Variants in MINDY3 observed in about 807,000 individuals in gnomAD.
MINDY3 encodes MINDY lysine 48 deubiquitinase 3.
MINDY3 carries 38 observed loss-of-function variants against 69.2 expected under a neutral mutation model. The observed-to-expected ratio is 0.55, with a 90% CI of 0.42 to 0.72. The LOEUF (loss-of-function observed/expected upper bound fraction) is 0.72. Among genes scored for constraint, MINDY3 ranks in the 30% least tolerant of loss-of-function variants. MINDY3 has a pLI of 0.00. For synonymous variants in MINDY3, 192 were observed against 180.1 expected, an observed-to-expected ratio of 1.07 and a Z score of -0.53; for missense variants, 522 against 519.0, an observed-to-expected ratio of 1.01 and a Z score of -0.06.
Position 15,778,790 on chromosome 10 carries a change from A to T in MINDY3, c.*202T>A. The T allele has an allele frequency of 2.3e-6, 1 of 438,086 alleles. No homozygotes were observed. Among genetic ancestry groups the T allele is most frequent in the Non-Finnish European group, 4.0e-6 (1 of 252,882 alleles). The allele number at this position is 438,086 out of a possible 1,614,324, so 27.1% of individuals were successfully genotyped here. Reference sequence around the variant, plus strand: ...TAATTTTGCTAGTAAATTTCACACGAAGGGGTAAAATAGGATAATCTTTAA... The same window carrying T: ...TAATTTTGCTAGTAAATTTCACACGTAGGGGTAAAATAGGATAATCTTTAA... On this transcript the variant is annotated 3_prime_UTR_variant, in exon 15 of 15. Coordinates refer to ENST00000277632, the MANE Select transcript of MINDY3 (RefSeq NM_024948.4).
At chr10:15,788,494 TTA>T (rs1420971586) in intron 12 of MINDY3, among the ~76,000 whole-genome samples, 1 of 152,028 alleles carries the variant, frequency 6.6e-6, no homozygotes, top group African/African-American at 2.4e-5. Context: ...AACTCTTTCA[TTA>T]TGTTTGATAA....
At chr10:15,841,640 GA>G (rs111629424) in intron 3 of MINDY3, 41 bp from the exon 4 acceptor site, 22,665 of 1,047,590 alleles carry the variant, frequency 0.022, no homozygotes, top group South Asian at 0.032. Flanking sequence ...GTTTCCTCTG[GA>G]AAAAAAAAAA....
intron 2 of MINDY3, among the ~76,000 whole-genome samples, chr10:15,846,661 T>C (rs1226222271): frequency 1.3e-5 from 2 of 152,174 alleles, no homozygotes; most frequent in East Asian, 1.9e-4. Flanking sequence ...AGTATTATTA[T>C]GCTCTATATA....
At chr10:15,816,981 C>A in intron 9 of MINDY3, 66 bp from the exon 10 acceptor site, 1 of 1,166,584 alleles carries the variant, frequency 8.6e-7, no homozygotes, top group Admixed American at 1.8e-5. Flanking sequence ...TCTTATTTGC[C>A]CATAAATATC....
rs1215975235 is a variant in MINDY3 at position 15,829,611 on chromosome 10, C to T, written c.730+4019G>A. Among the ~76,000 whole-genome samples, 5 of 152,182 alleles carry T rather than the reference C, an allele frequency of 3.3e-5. No individual in the cohort carries two copies. The East Asian group carries it at 9.7e-4, about 29-fold the overall frequency. On this transcript the variant is annotated intron_variant, in intron 8 of 14. Coordinates refer to ENST00000277632, the MANE Select transcript of MINDY3 (RefSeq NM_024948.4). Reference sequence around the variant, plus strand: ...AGTTGGCAAGCATTAGCAAGAGAGTCATTGAAGGCACTGAGCAGAGAAATA... The same window carrying T: ...AGTTGGCAAGCATTAGCAAGAGAGTTATTGAAGGCACTGAGCAGAGAAATA...
At chr10:15,802,093 A>G (rs1346344736) in intron 10 of MINDY3, among the ~76,000 whole-genome samples, 1 of 151,776 alleles carries the variant, frequency 6.6e-6, no homozygotes, top group African/African-American at 2.4e-5. Flanking sequence ...GTGTTAATCT[A>G]CTGTTGGTTA....
In MINDY3 at chr10:15,778,910, A is replaced by G. The variant is rs1836298870; in HGVS notation, c.*82T>C. The G allele has an allele frequency of 8.2e-7, 1 of 1,213,194 alleles. No individual in the cohort carries two copies. The highest frequency in any genetic ancestry group is 1.2e-6 in the Non-Finnish European group (1 of 855,984). 75.2% of individuals were successfully genotyped at this position (1,213,194 alleles called of 1,614,324 possible). On this transcript the variant is annotated 3_prime_UTR_variant, in exon 15 of 15. Coordinates refer to ENST00000277632, the MANE Select transcript of MINDY3 (RefSeq NM_024948.4). ...CAGTTAATCAGTGATACCAGTGTTTAGCTTAATCCAGCCAATTGCCAGTCT... is the reference window on the plus strand; with the variant it reads ...CAGTTAATCAGTGATACCAGTGTTTGGCTTAATCCAGCCAATTGCCAGTCT...
In MINDY3 at chr10:15,834,603, A is replaced by G; in HGVS notation, c.590T>C (p.Ile197Thr). The G allele has an allele frequency of 6.2e-7, 1 of 1,608,474 alleles. No homozygotes were observed. The highest frequency in any genetic ancestry group is 8.5e-7 in the Non-Finnish European group (1 of 1,175,706). The change falls in exon 7 of 15, where the codon ATA becomes ACA. Residue 197 changes from isoleucine to threonine, a missense_variant. Ile to Thr is a moderately conservative substitution (Grantham distance 89). Transcript: ENST00000277632. ...ACTTGCATCTTCAATTTCGTTTTTTATGTTTTCAATGCCCTAAAGAAACAG... is the reference window on the plus strand; with the variant it reads ...ACTTGCATCTTCAATTTCGTTTTTTGTGTTTTCAATGCCCTAAAGAAACAG... ...SVLLTKGIEN[I>T]KNEIEDASEP... is the part of the protein sequence containing the mutation.
chr10:15,790,859 G>A lies in MINDY3; in HGVS notation c.956-1540C>T, dbSNP rs117807714. On this transcript the variant is annotated intron_variant, in intron 11 of 14. Coordinates refer to ENST00000277632, the MANE Select transcript of MINDY3 (RefSeq NM_024948.4). Reference sequence around the variant, plus strand: ...GTGAGGGATGCTCAGTCTGTACACCGTTTTTCAGGAGCACTGACAGCATGT... The same window carrying A: ...GTGAGGGATGCTCAGTCTGTACACCATTTTTCAGGAGCACTGACAGCATGT... Among the ~76,000 whole-genome samples, 7 of 152,186 alleles carry A rather than the reference G, an allele frequency of 4.6e-5. No individual in the cohort carries two copies. The East Asian group carries it at 5.8e-4, about 13-fold the overall frequency.
At chr10:15,829,133 G>C (rs199613061) in intron 8 of MINDY3, among the ~76,000 whole-genome samples, 1 of 152,046 alleles carries the variant, frequency 6.6e-6, no homozygotes, top group Non-Finnish European at 1.5e-5. Context: ...GAATGAAGCC[G>C]ACTGAGGTAA....
chr10:15,795,829 G>A (rs1452885794), intron 11 of MINDY3, among the ~76,000 whole-genome samples: 1 of 151,930 alleles, frequency 6.6e-6, no homozygotes, highest in Non-Finnish European at 1.5e-5. Context: ...TGTTCAAAAG[G>A]TGGTATTTTT....
intron 4 of MINDY3, among the ~76,000 whole-genome samples, chr10:15,839,498 C>G (rs192599260): frequency 4.0e-4 from 60 of 151,712 alleles, no homozygotes; most frequent in African/African-American, 1.3e-3. Flanking sequence ...TAATCTTTTC[C>G]AAATTATACT....
chr10:15,836,977 A>G (rs562278501), intron 6 of MINDY3, among the ~76,000 whole-genome samples: 1 of 152,118 alleles, frequency 6.6e-6, no homozygotes, highest in South Asian at 2.1e-4. Flanking sequence ...ACAGCATTTC[A>G]CAACCAGAAC....
At chr10:15,818,881 A>C (rs1335729877) in intron 9 of MINDY3, among the ~76,000 whole-genome samples, 1 of 152,142 alleles carries the variant, frequency 6.6e-6, no homozygotes, top group Non-Finnish European at 1.5e-5. Flanking sequence ...TTTGTGGGTA[A>C]GGAAAACATT....
chr10:15,850,490 G>A (rs987060516), intron 1 of MINDY3, among the ~76,000 whole-genome samples: 11 of 152,146 alleles, frequency 7.2e-5, no homozygotes, highest in African/African-American at 1.9e-4. Flanking sequence ...GCATTCTCAG[G>A]GGGGAGGTCT....
chr10:15,860,488 G>T lies in MINDY3; in HGVS notation c.-189C>A, dbSNP rs1041525795. 2.6e-5 allele frequency: 16 copies of T among 604,578 alleles called. No individual in the cohort carries two copies. Among genetic ancestry groups the T allele is most frequent in the Non-Finnish European group, 4.4e-5 (15 of 344,180 alleles). 37.5% of individuals were successfully genotyped at this position (604,578 alleles called of 1,614,324 possible). On this transcript the variant is annotated 5_prime_UTR_variant, in exon 1 of 15. Coordinates refer to ENST00000277632, the MANE Select transcript of MINDY3 (RefSeq NM_024948.4). ...TGTCAAGCCAGGTTGGGGCAGCAGCGAGTTTTCCGTACCGGAAGTGCTGGT... is the reference window on the plus strand; with the variant it reads ...TGTCAAGCCAGGTTGGGGCAGCAGCTAGTTTTCCGTACCGGAAGTGCTGGT...
intron 11 of MINDY3, among the ~76,000 whole-genome samples, chr10:15,795,247 C>T (rs1017269065): frequency 1.3e-5 from 2 of 151,950 alleles, no homozygotes; most frequent in African/African-American, 4.8e-5. Context: ...CCTAAGAAAA[C>T]AGTAGACCTA....
chr10:15,833,558 G>T, intron 8 of MINDY3, 72 bp downstream of exon 8: 2 of 989,912 alleles, frequency 2.0e-6, no homozygotes, highest in South Asian at 1.5e-5. Flanking sequence ...TTAAATAGAC[G>T]AATAATAATC....
chr10:15,856,737 A>G lies in MINDY3; in HGVS notation c.94+3469T>C, dbSNP rs115474442. On this transcript the variant is annotated intron_variant, in intron 1 of 14. Transcript: ENST00000277632. The stretch of plus-strand genomic sequence containing the variant: ...CACTGAGCTAAGCAATCAATATTGA[A>G]AAGAAAATAAATTCCAAATAAGTCA... Among the ~76,000 whole-genome samples the G allele has an allele frequency of 3.5e-3, 533 of 152,318 alleles. 5 individuals are homozygous for G. The highest frequency in any genetic ancestry group is 0.011 in the African/African-American group (465 of 41,576).
Sources: gnomAD v4.1 joint callset for allele counts (sites outside exome capture counted in the v4.1 genomes callset) on GRCh38, gnomAD v4.1.1 for gene constraint, MANE v1.5 for transcripts, NCBI Gene and HGNC (gene_info 2026-07-23, HGNC 2026-07-21) for gene names.